ZNF189: variants seen among roughly 807,000 people sequenced by gnomAD.
The protein encoded by ZNF189 is zinc finger protein 189.
ZNF189 carries 33 observed loss-of-function variants against 53.5 expected under a neutral mutation model. The observed-to-expected ratio is 0.62, with a 90% CI of 0.47 to 0.82. ZNF189 has a LOEUF of 0.82. Ranked by LOEUF, ZNF189 falls within the 40% of genes least tolerant of loss-of-function variation. ZNF189 has a pLI of 0.00. For synonymous variants in ZNF189, 247 were observed against 238.8 expected, an observed-to-expected ratio of 1.03 and a Z score of -0.32; for missense variants, 711 against 753.9, an observed-to-expected ratio of 0.94 and a Z score of 0.67.
At chr9:101,403,901 C>CT (rs1480923530) in intron 2 of ZNF189, among the ~76,000 whole-genome samples, 3 of 152,182 alleles carry the variant, frequency 2.0e-5, no homozygotes, top group South Asian at 4.1e-4. Flanking sequence ...TGTCTTATCT[C>CT]TTTTTTCTCC....
At chr9:101,402,143 C>G (rs561121953) in intron 2 of ZNF189, among the ~76,000 whole-genome samples, 1 of 152,100 alleles carries the variant, frequency 6.6e-6, no homozygotes, top group Admixed American at 6.5e-5. Flanking sequence ...CTCGAACTCC[C>G]GATCTCAGGT....
rs1333005315 is a variant in ZNF189 at position 101,409,190 on chromosome 9, T to C, written c.1422T>C (p.His474=). The C allele has an allele frequency of 1.2e-6, 2 of 1,613,820 alleles. No homozygotes were observed. Among genetic ancestry groups the C allele is most frequent in the Non-Finnish European group, 1.7e-6 (2 of 1,180,000 alleles). Residue 474 remains histidine, a synonymous_variant, in exon 3 of 3, where the codon CAT becomes CAC. Coordinates refer to ENST00000339664, the MANE Select transcript of ZNF189 (RefSeq NM_003452.4). The stretch of plus-strand genomic sequence containing the variant: ...GTGTTAGTGCTCATCTTGTACAACA[T>C]CAAAGAATCCACACTGGTGAAAAGC... ...TFSVSAHLVQ[H]QRIHTGEKPY...
chr9:101,409,713 G>A lies in ZNF189; in HGVS notation c.*64G>A, dbSNP rs79645744. On this transcript the variant is annotated 3_prime_UTR_variant, in exon 3 of 3. Transcript: ENST00000339664. The stretch of plus-strand genomic sequence containing the variant: ...AGTACCCAAGTGCAGTTTTAGTATG[G>A]CTCAACATGGGTCAGATTTAGTGAT... 155,996 of 1,504,392 alleles carry A rather than the reference G, an allele frequency of 0.1. 8,890 individuals are homozygous for A. Among genetic ancestry groups the A allele is most frequent in the Middle Eastern group, 0.15 (803 of 5,312 alleles). 93.2% of individuals were successfully genotyped at this position (1,504,392 alleles called of 1,614,324 possible).
intron 2 of ZNF189, among the ~76,000 whole-genome samples, chr9:101,400,403 T>A (rs1156269858): frequency 6.6e-6 from 1 of 152,164 alleles, no homozygotes; most frequent in Non-Finnish European, 1.5e-5. Flanking sequence ...GTTTTTCAAG[T>A]GGGGGCTGCT....
At chr9:101,403,828 T>A (rs1830619952) in intron 2 of ZNF189, among the ~76,000 whole-genome samples, 1 of 152,206 alleles carries the variant, frequency 6.6e-6, no homozygotes, top group Admixed American at 6.5e-5. Flanking sequence ...TATCATCACA[T>A]TGTGGATTAG....
chr9:101,399,749 G>A, intron 1 of ZNF189, 135 bp from the exon 2 acceptor site: 1 of 1,423,366 alleles, frequency 7.0e-7, no homozygotes, highest in Non-Finnish European at 9.6e-7. Context: ...CCAGAATTGG[G>A]CAACATATGG....
chr9:101,409,021 A>G lies in ZNF189; in HGVS notation c.1253A>G (p.His418Arg). The G allele has an allele frequency of 6.2e-7, 1 of 1,614,200 alleles. No individual in the cohort carries two copies. The highest frequency in any genetic ancestry group is 8.5e-7 in the Non-Finnish European group (1 of 1,180,038). Residue 418 changes from histidine (H) to arginine (R), a missense_variant, in exon 3 of 3, where the codon CAT becomes CGT. Coordinates refer to ENST00000339664, the MANE Select transcript of ZNF189 (RefSeq NM_003452.4). ...AFSRSSGLIQ[H>R]QRIHTREKTY... ...AGTAGAAGCTCAGGTCTTATTCAGC[A>G]TCAGAGAATTCACACCAGGGAGAAG...
At chr9:101,404,477 T>C (rs1830641771) in intron 2 of ZNF189, among the ~76,000 whole-genome samples, 1 of 152,204 alleles carries the variant, frequency 6.6e-6, no homozygotes. Flanking sequence ...TATCCTTTTG[T>C]CTTTCAGAAA....
rs1356171869 is a variant in ZNF189, at chr9:101,398,949, T to C, written c.-208T>C. 6.3e-6 allele frequency: 3 copies of C among 472,960 alleles called. No homozygotes were observed. Among genetic ancestry groups the C allele is most frequent in the Non-Finnish European group, 1.1e-5 (3 of 263,668 alleles). 29.3% of individuals were successfully genotyped at this position (472,960 alleles called of 1,614,324 possible). ...TGCGTAACCAGGCAGGAGTAGGGGTTGGGGTTCGGGGTTGGGGGACAGCCA... is the reference window on the plus strand; with the variant it reads ...TGCGTAACCAGGCAGGAGTAGGGGTCGGGGTTCGGGGTTGGGGGACAGCCA... On this transcript the variant is annotated 5_prime_UTR_variant, in exon 1 of 3. Coordinates refer to ENST00000339664, the MANE Select transcript of ZNF189 (RefSeq NM_003452.4).
In ZNF189 at chr9:101,399,098, C is replaced by A. The variant is rs1299472432; in HGVS notation, c.-59C>A. 4.6e-6 allele frequency: 6 copies of A among 1,294,882 alleles called. No homozygotes were observed. The African/African-American group carries it at 8.7e-5, about 19-fold the overall frequency. The allele number at this position is 1,294,882 out of a possible 1,614,324, so 80.2% of individuals were successfully genotyped here. On this transcript the variant is annotated 5_prime_UTR_variant, in exon 1 of 3. Coordinates refer to ENST00000339664, the MANE Select transcript of ZNF189 (RefSeq NM_003452.4). The stretch of plus-strand genomic sequence containing the variant: ...ATTTCCAGCAGCCGGGTAGGCCTCA[C>A]CAGAGGCTCCTTTCCGTGAGGCCGC...
Position 101,399,142 on chromosome 9 carries a change from TTC to T in ZNF189, c.-11_-10del, listed in dbSNP as rs1397856142. ...AGGCCGCCCCCAATTCCTGCCCCTA[TTC>T]TCTGCCTGGGAGATGGCTTCCCCGA... is the stretch of plus-strand genomic sequence containing the variant. On this transcript the variant is annotated 5_prime_UTR_variant, in exon 1 of 3. Coordinates refer to ENST00000339664, the MANE Select transcript of ZNF189 (RefSeq NM_003452.4). 6.3e-7 allele frequency: 1 copy of T among 1,586,480 alleles called. No homozygotes were observed. The highest frequency in any genetic ancestry group is 8.7e-7 in the Non-Finnish European group (1 of 1,155,688).
intron 1 of ZNF189, chr9:101,399,583 T>G: frequency 7.7e-7 from 1 of 1,291,374 alleles, no homozygotes; most frequent in Non-Finnish European, 9.8e-7. Context: ...CACAAGCCAG[T>G]GCAAATGGAA....
intron 2 of ZNF189, among the ~76,000 whole-genome samples, chr9:101,402,039 T>C (rs894777294): frequency 2.0e-5 from 3 of 152,000 alleles, no homozygotes; most frequent in African/African-American, 7.2e-5. Context: ...CTCAGCCTCC[T>C]GAGTAGCCGA....
Position 101,410,520 on chromosome 9 carries a change from A to AT in ZNF189, c.*873dup, listed in dbSNP as rs1311472366. 1 of 152,196 alleles carries AT rather than the reference A, an allele frequency of 6.6e-6. No homozygotes were observed. The highest frequency in any genetic ancestry group is 2.4e-5 in the African/African-American group (1 of 41,442). The allele number at this position is 152,196 out of a possible 1,614,324, so 9.4% of individuals were successfully genotyped here. ...GGAAGCTGAGATATTTTGGTATTGC[A>AT]TTGGTTTTTATGGTAACTAGGTTTT... On this transcript the variant is annotated 3_prime_UTR_variant, in exon 3 of 3. Transcript: ENST00000339664.
At chr9:101,405,431 A>G (rs916858881) in intron 2 of ZNF189, among the ~76,000 whole-genome samples, 2 of 152,140 alleles carry the variant, frequency 1.3e-5, no homozygotes, top group South Asian at 4.1e-4. Flanking sequence ...TGCTGCTTTG[A>G]GACTATAGGG....
intron 2 of ZNF189, 46 bp downstream of exon 2, chr9:101,400,056 G>A (rs755170573): frequency 6.2e-7 from 1 of 1,601,724 alleles, no homozygotes; most frequent in South Asian, 1.1e-5. Flanking sequence ...AGAAGGTAGA[G>A]AGAAATCAGA....
intron 2 of ZNF189, among the ~76,000 whole-genome samples, chr9:101,401,360 C>G (rs757467160): frequency 6.6e-6 from 1 of 152,092 alleles, no homozygotes; most frequent in Non-Finnish European, 1.5e-5. Flanking sequence ...CATGAACTCT[C>G]AACTTCTCTG....
chr9:101,404,151 G>C (rs1830632524), intron 2 of ZNF189, among the ~76,000 whole-genome samples: 2 of 152,166 alleles, frequency 1.3e-5, no homozygotes, highest in Admixed American at 1.3e-4. Flanking sequence ...TCACTTCAAG[G>C]CTGCTCTGTG....
chr9:101,407,373 C>T (rs1260905118), intron 2 of ZNF189: 1 of 397,504 alleles, frequency 2.5e-6, no homozygotes, highest in East Asian at 3.6e-5. Context: ...TCCTTCTTAG[C>T]ATCTTTTTTT....
Sources: gnomAD v4.1 joint callset for allele counts (sites outside exome capture counted in the v4.1 genomes callset) on GRCh38, gnomAD v4.1.1 for gene constraint, MANE v1.5 for transcripts, NCBI Gene and HGNC (gene_info 2026-07-23, HGNC 2026-07-21) for gene names.